SP140L: variants seen among roughly 807,000 people sequenced by gnomAD.
The protein encoded by SP140L is nuclear body protein SP140-like protein.
In SP140L, 64 loss-of-function variants were observed where a neutral mutation model predicts 84.3. That is an observed-to-expected ratio of 0.76 (90% confidence interval 0.62 to 0.94). SP140L has a LOEUF of 0.94. Ranked by LOEUF, SP140L falls within the 40% of genes least tolerant of loss-of-function variation. The probability of loss-of-function intolerance (pLI) is 0.00; values close to 1 mark genes in which losing one functional copy is unlikely to be tolerated. For synonymous variants in SP140L, 242 were observed against 236.9 expected, an observed-to-expected ratio of 1.02 and a Z score of -0.20; for missense variants, 628 against 692.5, an observed-to-expected ratio of 0.91 and a Z score of 1.05.
Position 230,371,818 on chromosome 2 carries a change from A to G in SP140L, c.637+167A>G, listed in dbSNP as rs2061083739. On this transcript the variant is annotated intron_variant, in intron 7 of 18. Transcript: ENST00000415673. ...CCACCTCCTAATCCCTGGACCTGTA[A>G]TCTGCTATCTTACATGGCAAACGGG... The G allele has an allele frequency of 1.1e-5, 7 of 642,768 alleles. No individual in the cohort carries two copies. In the South Asian group the frequency reaches 1.2e-4, roughly 11 times the overall value. The allele number at this position is 642,768 out of a possible 1,614,324, so 39.8% of individuals were successfully genotyped here.
chr2:230,371,292 A>G (rs2061061019), intron 6 of SP140L, among the ~76,000 whole-genome samples: 1 of 152,174 alleles, frequency 6.6e-6, no homozygotes, highest in Non-Finnish European at 1.5e-5. Flanking sequence ...CTAGTAGATA[A>G]TAGTGTCATT....
chr2:230,385,122 A>T, intron 8 of SP140L, 102 bp from the exon 9 acceptor site: 1 of 1,102,228 alleles, frequency 9.1e-7, no homozygotes, highest in South Asian at 1.5e-5. Flanking sequence ...GCTCGAGGGG[A>T]TCCAGAGTGA....
intron 13 of SP140L, among the ~76,000 whole-genome samples, chr2:230,393,735 A>G (rs6436932): frequency 0.7 from 106,491 of 152,136 alleles, 38,016 homozygotes; most frequent in Non-Finnish European, 0.75. Flanking sequence ...AGCAATAGAT[A>G]CAGATGTTGT....
intron 13 of SP140L, among the ~76,000 whole-genome samples, chr2:230,396,260 C>T (rs2149821534): frequency 6.6e-6 from 1 of 152,248 alleles, no homozygotes; most frequent in East Asian, 1.9e-4. Context: ...TTTTTCTTCC[C>T]TCAGTAGATA....
intron 2 of SP140L, among the ~76,000 whole-genome samples, chr2:230,345,308 G>T (rs1240743894): frequency 6.6e-6 from 1 of 152,132 alleles, no homozygotes; most frequent in East Asian, 1.9e-4. Flanking sequence ...CCAACATAAA[G>T]ATAGTTACCA....
In SP140L at chr2:230,400,007, G is replaced by A. The variant is rs575137049; in HGVS notation, c.1198-120G>A. 25 of 969,480 alleles carry A rather than the reference G, an allele frequency of 2.6e-5. No individual in the cohort carries two copies. In the Admixed American group the frequency reaches 3.2e-4, roughly 12 times the overall value. The allele number at this position is 969,480 out of a possible 1,614,324, so 60.1% of individuals were successfully genotyped here. A position where few individuals can be genotyped will look rare whatever the true frequency, so the allele number is the denominator to read the frequency against. Reference sequence around the variant, plus strand: ...GCCATATTTTTCCTTCATATCCCAGGGAGAAGCATATGCCTGTCTATACAG... The same window carrying A: ...GCCATATTTTTCCTTCATATCCCAGAGAGAAGCATATGCCTGTCTATACAG... On this transcript the variant is annotated intron_variant, in intron 14 of 18. Transcript: ENST00000415673.
At chr2:230,371,273 G>A (rs1283260333) in intron 6 of SP140L, among the ~76,000 whole-genome samples, 1 of 152,186 alleles carries the variant, frequency 6.6e-6, no homozygotes. Context: ...ATAACCCAGT[G>A]AACTTCTGCT....
chr2:230,379,073 T>C (rs10933334), intron 7 of SP140L, among the ~76,000 whole-genome samples: 107,979 of 152,120 alleles, frequency 0.71, 38,916 homozygotes, highest in Middle Eastern at 0.76. Context: ...TGTTGTTATA[T>C]AAACTTTTTT....
intron 3 of SP140L, among the ~76,000 whole-genome samples, chr2:230,358,275 A>G (rs2060610347): frequency 6.6e-6 from 1 of 152,230 alleles, no homozygotes; most frequent in Non-Finnish European, 1.5e-5. Flanking sequence ...TAATTGACAG[A>G]GCATTTTATT....
In SP140L at chr2:230,393,469, T is replaced by A; in HGVS notation, c.1155+8T>A. 1 of 1,564,768 alleles carries A rather than the reference T, an allele frequency of 6.4e-7. No homozygotes were observed. ...TATTACAGGAACAAAAAGGTGATTA[T>A]TACATAATTTTCTACAGATTCTTGT... is the stretch of plus-strand genomic sequence containing the variant. On this transcript the variant is annotated splice_region_variant and intron_variant, in intron 13 of 18. Coordinates refer to ENST00000415673, the MANE Select transcript of SP140L (RefSeq NM_138402.6).
chr2:230,328,667 T>C, intron 1 of SP140L, 90 bp from the exon 2 acceptor site: 1 of 1,494,042 alleles, frequency 6.7e-7, no homozygotes, highest in Non-Finnish European at 9.0e-7. Context: ...CAAGTATTTC[T>C]CTTGTGCCTA....
At chr2:230,379,440 A>T (rs1463754110) in intron 7 of SP140L, among the ~76,000 whole-genome samples, 1 of 152,168 alleles carries the variant, frequency 6.6e-6, no homozygotes, top group Non-Finnish European at 1.5e-5. Context: ...TAATGGTTTC[A>T]CTACAAATTG....
At chr2:230,330,444 T>TCTCTTC (rs1294597262) in intron 2 of SP140L, among the ~76,000 whole-genome samples, 1 of 152,136 alleles carries the variant, frequency 6.6e-6, no homozygotes, top group Non-Finnish European at 1.5e-5. Flanking sequence ...CGAGGCAAAA[T>TCTCTTC]CTCTTCCTCT....
In SP140L at chr2:230,390,016, G is replaced by C; in HGVS notation, c.957G>C (p.Leu319Phe). 1 of 1,613,044 alleles carries C rather than the reference G, an allele frequency of 6.2e-7. No individual in the cohort carries two copies. The highest frequency in any genetic ancestry group is 8.5e-7 in the Non-Finnish European group (1 of 1,179,328). The change falls in exon 11 of 19, where the codon TTG becomes TTC. Residue 319 changes from leucine to phenylalanine, a missense_variant. Leu to Phe is a conservative substitution (Grantham distance 22). Around this residue, in one of 4 missense-constraint regions of SP140L, gnomAD observed 525 missense variants for 518.4 expected, o/e 1.01. Coordinates refer to ENST00000415673, the MANE Select transcript of SP140L (RefSeq NM_138402.6). ...AGGGAATTTTACATAAGGAGAAATT[G>C]GAACAAGGTGGGTTTCATAGTCTTC... is the stretch of plus-strand genomic sequence containing the variant. ...GVKGILHKEKLEQGTLAKCIQ... is the reference protein window; with the variant it reads ...GVKGILHKEKFEQGTLAKCIQ...
chr2:230,380,487 A>G (rs1271975774), intron 7 of SP140L, among the ~76,000 whole-genome samples: 2 of 152,196 alleles, frequency 1.3e-5, no homozygotes, highest in African/African-American at 4.8e-5. Flanking sequence ...TTCTTTTTTT[A>G]AGATAAAATT....
intron 2 of SP140L, among the ~76,000 whole-genome samples, chr2:230,346,976 G>A (rs1223767859): frequency 3.3e-5 from 5 of 152,162 alleles, no homozygotes; most frequent in Non-Finnish European, 7.4e-5. Flanking sequence ...ATTAGTGTCT[G>A]TACATTTGAG....
At chr2:230,351,642 C>T (rs2149715182) in intron 2 of SP140L, among the ~76,000 whole-genome samples, 1 of 152,126 alleles carries the variant, frequency 6.6e-6, no homozygotes, top group Admixed American at 6.5e-5. Flanking sequence ...TCAATATTTA[C>T]ATTATTTTAT....
rs374458025 is a variant in SP140L at position 230,400,255 on chromosome 2, C to A, written c.1313+13C>A. 16 of 1,612,524 alleles carry A rather than the reference C, an allele frequency of 9.9e-6. No homozygotes were observed. Among genetic ancestry groups the A allele is most frequent in the Middle Eastern group, 1.7e-4 (1 of 6,058 alleles). ...TGGAAAGTGAGAAGTAAGTGACATG[C>A]AGGCACCTCTCTTTCATCCTTTAAG... On this transcript the variant is annotated intron_variant, in intron 15 of 18. Transcript: ENST00000415673.
At position 230,376,952 on chromosome 2, in the gene SP140L, T is replaced by C. The variant is rs539571025; in HGVS notation, c.637+5301T>C. On this transcript the variant is annotated intron_variant, in intron 7 of 18. Transcript: ENST00000415673. ...TAATCTTTGATAAGGGCACCAACAA[T>C]AGGATTTTCTTTATGTAAATGTTCC... is the stretch of plus-strand genomic sequence containing the variant. 5.3e-5 allele frequency among the ~76,000 whole-genome samples: 8 copies of C among 152,318 alleles called. No individual in the cohort carries two copies. In the East Asian group the frequency reaches 1.3e-3, roughly 26 times the overall value.
Sources: allele counts gnomAD v4.1 joint callset (sites outside exome capture counted in the v4.1 genomes callset), GRCh38; gene constraint gnomAD v4.1.1; regional missense constraint gnomAD v4.1.1; transcripts MANE v1.5; gene names NCBI Gene and HGNC (gene_info 2026-07-23, HGNC 2026-07-21).